Variants in MIER3 observed in about 807,000 individuals in gnomAD.
The protein encoded by MIER3 is mesoderm induction early response protein 3.
Under a neutral mutation model 63.2 loss-of-function variants are expected in MIER3, and 9 were observed. The ratio of observed to expected loss-of-function variants is 0.14; its 90% CI spans 0.09 to 0.25. The LOEUF (loss-of-function observed/expected upper bound fraction) is 0.25, where lower values mean the gene tolerates loss of function less well. MIER3 is among the 10% of genes least tolerant of loss of function. The pLI is 1.00. For synonymous variants in MIER3, 205 were observed against 224.9 expected (o/e 0.91, Z 0.79); for missense variants, 512 against 666.2 (o/e 0.77, Z 2.55).
At chr5:56,949,936 A>C (rs1750960274) in intron 2 of MIER3, among the ~76,000 whole-genome samples, 1 of 152,208 alleles carries the variant, frequency 6.6e-6, no homozygotes, top group Non-Finnish European at 1.5e-5. Context: ...TGCTACAGGG[A>C]TTCTACAAAC....
At chr5:56,940,323 T>A (rs1235375533) in intron 3 of MIER3, among the ~76,000 whole-genome samples, 1 of 152,154 alleles carries the variant, frequency 6.6e-6, no homozygotes, top group East Asian at 1.9e-4. Context: ...CCCTTTAAAA[T>A]AAAATAATCC....
At chr5:56,952,207 C>A (rs1751066951), upstream of MIER3, 2 of 984,870 alleles carry the variant, frequency 2.0e-6, no homozygotes, top group Non-Finnish European at 1.2e-6. Context: ...GCCCGGCACC[C>A]GCCCGGCGGC....
At chr5:56,942,911 C>T (rs1391402339) in intron 3 of MIER3, among the ~76,000 whole-genome samples, 1 of 152,056 alleles carries the variant, frequency 6.6e-6, no homozygotes, top group Non-Finnish European at 1.5e-5. Flanking sequence ...TTTGGGACGC[C>T]AAGGTAGGAT....
Position 56,923,509 on chromosome 5 carries a change from G to A in MIER3, c.1272C>T (p.Gly424=). The change falls in exon 13 of 13, where the codon GGC becomes GGT. Residue 424 remains glycine (G), a synonymous_variant. Coordinates refer to ENST00000381199, the MANE Select transcript of MIER3 (RefSeq NM_001297599.2). ...NCLDDSFPPL[G]NTPRGQVNHV... ...GATTAACTTGTCCACGGGGTGTGTT[G>A]CCCAGTGGAGGAAAGCTATCATCCA... 1.2e-6 allele frequency: 2 copies of A among 1,614,164 alleles called. No individual in the cohort carries two copies. The highest frequency in any genetic ancestry group is 1.7e-6 in the Non-Finnish European group (2 of 1,180,022).
At chr5:56,945,163 C>G (rs1750785814) in intron 3 of MIER3, among the ~76,000 whole-genome samples, 1 of 152,144 alleles carries the variant, frequency 6.6e-6, no homozygotes, top group Non-Finnish European at 1.5e-5. Context: ...GAAATAAGAA[C>G]TCTTTAAAAA....
At chr5:56,928,110 C>T (rs946074422) in intron 10 of MIER3, 4 of 152,160 alleles carry the variant, frequency 2.6e-5, no homozygotes, top group Admixed American at 2.6e-4. Context: ...TTTATCCTTT[C>T]ACCTCAAAGG....
At chr5:56,943,408 A>T (rs1750719440) in intron 3 of MIER3, among the ~76,000 whole-genome samples, 1 of 152,024 alleles carries the variant, frequency 6.6e-6, no homozygotes, top group Non-Finnish European at 1.5e-5. Flanking sequence ...GGGATATCAC[A>T]GATACTTTGC....
Position 56,923,908 on chromosome 5 carries a change from T to C in MIER3, c.1052+7A>G, listed in dbSNP as rs772172601. ...TAAGTCTTTGAAGGCAAGGCCACAGTACTTACGTAACTCCAGGGTGATGGT... is the reference window on the plus strand; with the variant it reads ...TAAGTCTTTGAAGGCAAGGCCACAGCACTTACGTAACTCCAGGGTGATGGT... On this transcript the variant is annotated splice_region_variant and intron_variant, in intron 11 of 12. Transcript: ENST00000381199. 3.1e-6 allele frequency: 5 copies of C among 1,614,006 alleles called. No homozygotes were observed. The African/African-American group carries it at 5.3e-5, about 17-fold the overall frequency.
intron 3 of MIER3, among the ~76,000 whole-genome samples, chr5:56,945,990 G>C (rs549490325): frequency 3.3e-5 from 5 of 152,016 alleles, no homozygotes; most frequent in Non-Finnish European, 7.4e-5. Flanking sequence ...AAAGAATAGA[G>C]ACCACATGTA....
chr5:56,942,062 G>A (rs1486053536), intron 3 of MIER3, among the ~76,000 whole-genome samples: 1 of 143,056 alleles, frequency 7.0e-6, no homozygotes, highest in Non-Finnish European at 1.6e-5. Context: ...ACACAGTTAA[G>A]TTTAAGAGGA....
chr5:56,930,810 G>A (rs1383219990), intron 8 of MIER3, 65 bp from the exon 9 acceptor site: 1 of 1,306,370 alleles, frequency 7.7e-7, no homozygotes, highest in Non-Finnish European at 1.1e-6. Flanking sequence ...AAAAACAGGT[G>A]TAAGAGTTTT....
At chr5:56,951,541 C>G (rs1056593914) in intron 1 of MIER3, among the ~76,000 whole-genome samples, 2 of 152,296 alleles carry the variant, frequency 1.3e-5, no homozygotes, top group African/African-American at 4.8e-5. Flanking sequence ...TTCTGAGAAG[C>G]CCGGTGGCCC....
At position 56,921,313 on chromosome 5, in the gene MIER3, CACA is replaced by C. The variant is rs1025799048; in HGVS notation, c.*1812_*1814del. ...AAAAGAAATAAGGTTCAAAGTTTAG[CACA>C]ACAACACAGCAATAAGAAGCTGACA... On this transcript the variant is annotated 3_prime_UTR_variant, in exon 13 of 13. Transcript: ENST00000381199. The C allele has an allele frequency of 2.6e-5, 4 of 152,388 alleles. No homozygotes were observed. The highest frequency in any genetic ancestry group is 9.6e-5 in the African/African-American group (4 of 41,510). The allele number at this position is 152,388 out of a possible 1,614,324, so 9.4% of individuals were successfully genotyped here.
chr5:56,933,177 C>G, intron 8 of MIER3, 70 bp downstream of exon 8: 1 of 1,396,250 alleles, frequency 7.2e-7, no homozygotes, highest in Non-Finnish European at 9.5e-7. Context: ...TTAAAAATAT[C>G]TGTATCAAAT....
chr5:56,929,007 T>TACACACA, intron 9 of MIER3, 146 bp from the exon 10 acceptor site: 1 of 420,114 alleles, frequency 2.4e-6, no homozygotes. Flanking sequence ...ACACACACAC[T>TACACACA]CTCTCTCTCT....
intron 3 of MIER3, among the ~76,000 whole-genome samples, chr5:56,940,486 CCTTTGCAG>C (rs1339603552): frequency 6.6e-6 from 1 of 152,206 alleles, no homozygotes; most frequent in Non-Finnish European, 1.5e-5. Flanking sequence ...TTGGCCTTCA[CCTTTGCAG>C]GTATGGAACT....
chr5:56,920,086 C>T lies in MIER3; in HGVS notation c.*3042G>A, dbSNP rs1475115185. 6.6e-6 allele frequency: 1 copy of T among 152,546 alleles called. No individual in the cohort carries two copies. The highest frequency in any genetic ancestry group is 1.5e-5 in the Non-Finnish European group (1 of 68,004). The allele number at this position is 152,546 out of a possible 1,614,324, so 9.4% of individuals were successfully genotyped here. A position where few individuals can be genotyped will look rare whatever the true frequency, so the allele number is the denominator to read the frequency against. On this transcript the variant is annotated 3_prime_UTR_variant, in exon 13 of 13. Coordinates refer to ENST00000381199, the MANE Select transcript of MIER3 (RefSeq NM_001297599.2). ...TTAAATTAAATAGTATCACTATGCT[C>T]TATTAGATCTGATGTTCTCAAATAT... is the stretch of plus-strand genomic sequence containing the variant.
At chr5:56,951,703 G>C (rs1338611395) in intron 1 of MIER3, among the ~76,000 whole-genome samples, 1 of 138,496 alleles carries the variant, frequency 7.2e-6, no homozygotes, top group Non-Finnish European at 1.6e-5. Context: ...CCGCGGAGGG[G>C]GGGCTCCGCC....
intron 6 of MIER3, 35 bp downstream of exon 6, chr5:56,935,631 A>T: frequency 6.4e-7 from 1 of 1,573,794 alleles, no homozygotes; most frequent in South Asian, 1.2e-5. Context: ...ATATTTTTAA[A>T]AGCCAATTTA....
Sources: allele counts gnomAD v4.1 joint callset (sites outside exome capture counted in the v4.1 genomes callset), GRCh38; gene constraint gnomAD v4.1.1; transcripts MANE v1.5; gene names NCBI Gene and HGNC (gene_info 2026-07-23, HGNC 2026-07-21).